FREM2: variants seen among roughly 807,000 people sequenced by gnomAD.
FREM2 encodes the protein FRAS1-related extracellular matrix protein 2.
In FREM2, 119 loss-of-function variants were observed where a neutral mutation model predicts 219.9. That is an observed-to-expected ratio of 0.54 (90% confidence interval 0.47 to 0.63). The LOEUF (loss-of-function observed/expected upper bound fraction) is 0.63, where lower values mean the gene tolerates loss of function less well. Among genes scored for constraint, FREM2 ranks in the 30% least tolerant of loss-of-function variants. FREM2 has a pLI of 0.00. For missense variants in FREM2, 4,030 were observed against 3,993.6 expected, an observed-to-expected ratio of 1.01 and a Z score of -0.25; for synonymous variants, 1,562 against 1,522.8, an observed-to-expected ratio of 1.03 and a Z score of -0.60.
At chr13:38,736,294 GAAACAAATGGACCTAA>G (rs1871990562) in intron 2 of FREM2, among the ~76,000 whole-genome samples, 3 of 152,196 alleles carry the variant, frequency 2.0e-5, no homozygotes, top group South Asian at 4.1e-4. Flanking sequence ...GTTTCAAAAG[GAAACAAATGGACCTAA>G]AAACAAATGA....
chr13:38,787,018 A>T (rs933750432), intron 6 of FREM2, among the ~76,000 whole-genome samples: 1 of 152,168 alleles, frequency 6.6e-6, no homozygotes, highest in Admixed American at 6.5e-5. Context: ...CCTATCATAT[A>T]ATATTCATAG....
chr13:38,761,475 C>T (rs187173090), intron 2 of FREM2, among the ~76,000 whole-genome samples: 15 of 151,898 alleles, frequency 9.9e-5, no homozygotes, highest in East Asian at 5.8e-4. Flanking sequence ...ATTAATGGAA[C>T]GTAAACACAA....
At chr13:38,729,185 A>ATT (rs145017809) in intron 2 of FREM2, among the ~76,000 whole-genome samples, 3 of 149,066 alleles carry the variant, frequency 2.0e-5, no homozygotes, top group African/African-American at 7.4e-5. Flanking sequence ...GATCACTGGC[A>ATT]TTTTTTTTTT....
chr13:38,875,879 A>AT, intron 18 of FREM2, 143 bp from the exon 19 acceptor site: 1 of 799,790 alleles, frequency 1.3e-6, no homozygotes, highest in Non-Finnish European at 2.1e-6. Flanking sequence ...GAGGATAATT[A>AT]TACTAACCAT....
chr13:38,688,487 C>T lies in FREM2; in HGVS notation c.1143C>T (p.Ser381=), dbSNP rs780013463. 8.7e-6 allele frequency: 14 copies of T among 1,614,050 alleles called. No homozygotes were observed. Among genetic ancestry groups the T allele is most frequent in the Non-Finnish European group, 7.6e-6 (9 of 1,180,042 alleles). The part of the protein sequence containing the change: ...VSTDDRSLPL[S]SFTQRDLRLL... Reference sequence around the variant, plus strand: ...CCGATGATCGCAGCCTGCCCCTTTCCTCCTTCACTCAGAGGGATCTGCGGC... The same window carrying T: ...CCGATGATCGCAGCCTGCCCCTTTCTTCCTTCACTCAGAGGGATCTGCGGC... Residue 381 remains serine, a synonymous_variant, in exon 1 of 24, where the codon TCC becomes TCT. Coordinates refer to ENST00000280481, the MANE Select transcript of FREM2 (RefSeq NM_207361.6).
chr13:38,880,840 A>G lies in FREM2; in HGVS notation c.*53A>G, dbSNP rs1195156142. 18 of 1,592,352 alleles carry G rather than the reference A, an allele frequency of 1.1e-5. No homozygotes were observed. Among genetic ancestry groups the G allele is most frequent in the Middle Eastern group, 3.3e-4 (2 of 6,054 alleles). On this transcript the variant is annotated 3_prime_UTR_variant, in exon 24 of 24. Coordinates refer to ENST00000280481, the MANE Select transcript of FREM2 (RefSeq NM_207361.6). ...CGTAAGTGCCTCGGAAAAGATCACA[A>G]TGGAACCTTAAATACTTCTGGTAAA...
chr13:38,688,469 T>A lies in FREM2; in HGVS notation c.1125T>A (p.Asp375Glu). Residue 375 changes from aspartate (D) to glutamate (E), a missense_variant, in exon 1 of 24, where the codon GAT becomes GAA. This residue lies in a region of FREM2 where 3,102 missense variants were observed against 2,950.7 expected (regional missense o/e 1.05). Coordinates refer to ENST00000280481, the MANE Select transcript of FREM2 (RefSeq NM_207361.6). ...AGGGCTACTTGGTGAGCACCGATGA[T>A]CGCAGCCTGCCCCTTTCCTCCTTCA... ...PGQGYLVSTDDRSLPLSSFTQ... is the reference protein window; with the variant it reads ...PGQGYLVSTDERSLPLSSFTQ... 6.2e-7 allele frequency: 1 copy of A among 1,614,138 alleles called. No individual in the cohort carries two copies.
At chr13:38,814,750 A>G (rs1286217269) in intron 6 of FREM2, among the ~76,000 whole-genome samples, 1 of 152,164 alleles carries the variant, frequency 6.6e-6, no homozygotes, top group African/African-American at 2.4e-5. Flanking sequence ...GTTCTATTCT[A>G]CTGCAGTTAA....
intron 10 of FREM2, among the ~76,000 whole-genome samples, 180 bp from the exon 11 acceptor site, chr13:38,851,506 T>G (rs1877369889): frequency 6.6e-6 from 1 of 152,146 alleles, no homozygotes; most frequent in African/African-American, 2.4e-5. Context: ...TGGAAGGAGC[T>G]GGACAACATA....
chr13:38,688,769 C>T lies in FREM2; in HGVS notation c.1425C>T (p.Asp475=), dbSNP rs752580533. 3 of 1,614,038 alleles carry T rather than the reference C, an allele frequency of 1.9e-6. No homozygotes were observed. Among genetic ancestry groups the T allele is most frequent in the Admixed American group, 3.3e-5 (2 of 60,016 alleles). Residue 475 remains aspartate, a synonymous_variant, in exon 1 of 24, where the codon GAC becomes GAT. Transcript: ENST00000280481. ...ACTTGGTCATCAGCGATGAGGATGACCTAGAAGCAGTGCGGCTAGAGGTGG... is the reference window on the plus strand; with the variant it reads ...ACTTGGTCATCAGCGATGAGGATGATCTAGAAGCAGTGCGGCTAGAGGTGG... The part of the protein sequence containing the change: ...PQNLVISDED[D]LEAVRLEVVA...
chr13:38,787,253 G>GCTT (rs1031756153), intron 6 of FREM2, among the ~76,000 whole-genome samples: 3 of 152,110 alleles, frequency 2.0e-5, no homozygotes. Context: ...TATTGCCATT[G>GCTT]CTTCTTCATT....
intron 6 of FREM2, among the ~76,000 whole-genome samples, chr13:38,831,078 G>A (rs200488151): frequency 1.8e-4 from 27 of 152,252 alleles, no homozygotes; most frequent in African/African-American, 6.5e-4. Context: ...AATAGTTTAG[G>A]AAACTGTAAA....
At chr13:38,849,880 T>A (rs565501105) in intron 8 of FREM2, among the ~76,000 whole-genome samples, 158 bp from the exon 9 acceptor site, 10 of 152,306 alleles carry the variant, frequency 6.6e-5, no homozygotes, top group Admixed American at 2.0e-4. Flanking sequence ...AACTCTTAAG[T>A]GATTTGCTCA....
rs1353692846 is a variant in FREM2 at position 38,886,941 on chromosome 13, C to T, written c.*6154C>T. On this transcript the variant is annotated 3_prime_UTR_variant, in exon 24 of 24. Transcript: ENST00000280481. The stretch of plus-strand genomic sequence containing the variant: ...AGGGTCTAGTTTTATCATACATTTA[C>T]TAAGTTACTACATATTGGTGGATAT... The T allele has an allele frequency of 1.3e-5, 2 of 152,132 alleles. No homozygotes were observed. Among genetic ancestry groups the T allele is most frequent in the Non-Finnish European group, 2.9e-5 (2 of 68,020 alleles). 9.4% of individuals were successfully genotyped at this position (152,132 alleles called of 1,614,324 possible). A position where few individuals can be genotyped will look rare whatever the true frequency, so the allele number is the denominator to read the frequency against.
At chr13:38,733,027 G>T (rs1871828799) in intron 2 of FREM2, among the ~76,000 whole-genome samples, 1 of 152,134 alleles carries the variant, frequency 6.6e-6, no homozygotes, top group Non-Finnish European at 1.5e-5. Context: ...TTATCATGGA[G>T]GTTTGTTGTT....
At chr13:38,728,487 C>G (rs1183904635) in intron 2 of FREM2, among the ~76,000 whole-genome samples, 2 of 151,990 alleles carry the variant, frequency 1.3e-5, no homozygotes, top group Non-Finnish European at 1.5e-5. Context: ...CTCGGTGCAG[C>G]CTCCACTTCC....
chr13:38,826,734 G>T (rs2137883549), intron 6 of FREM2, among the ~76,000 whole-genome samples: 1 of 152,188 alleles, frequency 6.6e-6, no homozygotes, highest in Middle Eastern at 3.4e-3. Context: ...TCACCCTCAT[G>T]TCACAGTCTC....
intron 2 of FREM2, among the ~76,000 whole-genome samples, chr13:38,711,909 A>ATT (rs1870784697): frequency 7.4e-6 from 1 of 135,600 alleles, no homozygotes; most frequent in African/African-American, 2.9e-5. Context: ...GGGGCTGATA[A>ATT]TTTCTTTTTT....
intron 2 of FREM2, among the ~76,000 whole-genome samples, chr13:38,723,738 A>G (rs564213302): frequency 6.6e-6 from 1 of 152,360 alleles, no homozygotes; most frequent in South Asian, 2.1e-4. Flanking sequence ...GAAGGGTACT[A>G]GCTATGTACC....
Sources: allele counts gnomAD v4.1 joint callset (sites outside exome capture counted in the v4.1 genomes callset), GRCh38; gene constraint gnomAD v4.1.1; regional missense constraint gnomAD v4.1.1; transcripts MANE v1.5; gene names NCBI Gene and HGNC (gene_info 2026-07-23, HGNC 2026-07-21).